C21orf91: variants seen among roughly 807,000 people sequenced by gnomAD.
The protein encoded by C21orf91 is chromosome 21 open reading frame 91, also known as protein EURL homolog.
C21orf91 carries 26 observed loss-of-function variants against 32.9 expected under a neutral mutation model. The observed-to-expected ratio is 0.79, with a 90% CI of 0.58 to 1.10. The LOEUF (loss-of-function observed/expected upper bound fraction) is 1.10. Among genes scored for constraint, C21orf91 ranks in the 50% least tolerant of loss-of-function variants. The probability of loss-of-function intolerance (pLI) is 0.00; values close to 1 mark genes in which losing one functional copy is unlikely to be tolerated. For synonymous variants in C21orf91, 126 were observed against 120.4 expected, an observed-to-expected ratio of 1.05 and a Z score of -0.31; for missense variants, 310 against 341.3, an observed-to-expected ratio of 0.91 and a Z score of 0.72.
chr21:17,794,308 C>A (rs1205028236), intron 4 of C21orf91, among the ~76,000 whole-genome samples: 2 of 152,166 alleles, frequency 1.3e-5, no homozygotes, highest in African/African-American at 4.8e-5. Context: ...GAAAAGGAGA[C>A]AACTGCGGAA....
chr21:17,808,686 G>A (rs1478201807), intron 2 of C21orf91, among the ~76,000 whole-genome samples: 1 of 152,232 alleles, frequency 6.6e-6, no homozygotes, highest in Non-Finnish European at 1.5e-5. Flanking sequence ...CTGTCTCTCA[G>A]ATGAGACTTT....
intron 2 of C21orf91, among the ~76,000 whole-genome samples, chr21:17,810,335 TAA>T (rs1481667053): frequency 6.6e-6 from 1 of 152,246 alleles, no homozygotes; most frequent in Non-Finnish European, 1.5e-5. Context: ...AAATTTTTCT[TAA>T]GTTTTAATTT....
intron 2 of C21orf91, 144 bp downstream of exon 2, chr21:17,818,048 A>C: frequency 1.9e-6 from 1 of 513,928 alleles, no homozygotes; most frequent in Non-Finnish European, 3.3e-6. Flanking sequence ...CATTTCCAGA[A>C]ACCTTATCTT....
chr21:17,810,247 C>T (rs2062623706), intron 2 of C21orf91, among the ~76,000 whole-genome samples: 1 of 152,162 alleles, frequency 6.6e-6, no homozygotes, highest in South Asian at 2.1e-4. Flanking sequence ...AATGTAACAG[C>T]AAAATCACCT....
In C21orf91 at chr21:17,791,406, T is replaced by C. The variant is rs2062473046; in HGVS notation, c.*2009A>G. The C allele has an allele frequency of 6.6e-6, 1 of 152,148 alleles. No individual in the cohort carries two copies. The highest frequency in any genetic ancestry group is 2.4e-5 in the African/African-American group (1 of 41,444). 9.4% of individuals were successfully genotyped at this position (152,148 alleles called of 1,614,324 possible). A position where few individuals can be genotyped will look rare whatever the true frequency, so the allele number is the denominator to read the frequency against. Reference sequence around the variant, plus strand: ...ACTCATTAGCAAAGCTATGTATATTTGTCAGAAAACTCCTTTCTTTGGATA... The same window carrying C: ...ACTCATTAGCAAAGCTATGTATATTCGTCAGAAAACTCCTTTCTTTGGATA... On this transcript the variant is annotated 3_prime_UTR_variant, in exon 5 of 5. Transcript: ENST00000284881.
Position 17,789,527 on chromosome 21 carries a change from ATAAT to A in C21orf91, c.*3884_*3887del, listed in dbSNP as rs1221088419. The A allele has an allele frequency of 6.6e-6, 1 of 152,152 alleles. No homozygotes were observed. The highest frequency in any genetic ancestry group is 1.5e-5 in the Non-Finnish European group (1 of 67,992). 9.4% of individuals were successfully genotyped at this position (152,152 alleles called of 1,614,324 possible). ...ACTTTGGTAAACTTAAAATTGTGAAATAATTAAATATTATTAAAATGTATTAGTA... is the reference window on the plus strand; with the variant it reads ...ACTTTGGTAAACTTAAAATTGTGAAATAAATATTATTAAAATGTATTAGTA... On this transcript the variant is annotated 3_prime_UTR_variant, in exon 5 of 5. Transcript: ENST00000284881.
intron 2 of C21orf91, among the ~76,000 whole-genome samples, chr21:17,813,432 C>G (rs1405359270): frequency 6.6e-6 from 1 of 152,160 alleles, no homozygotes; most frequent in Non-Finnish European, 1.5e-5. Flanking sequence ...TACGACTTAA[C>G]CAAGATTACA....
intron 4 of C21orf91, 141 bp downstream of exon 4, chr21:17,795,067 C>A: frequency 1.2e-5 from 7 of 576,064 alleles, no homozygotes; most frequent in East Asian, 7.0e-5. Flanking sequence ...CTTTCTTATT[C>A]TTTTTGCTCT....
chr21:17,819,344 G>C lies in C21orf91; in HGVS notation c.-49C>G, dbSNP rs948785280. On this transcript the variant is annotated 5_prime_UTR_variant, in exon 1 of 5. Transcript: ENST00000284881. The stretch of plus-strand genomic sequence containing the variant: ...CCACCACCGCCGTTCCGTGCGGCTC[G>C]GGTTCCTCCACTATTGTTTCCGGCC... 5 of 152,478 alleles carry C rather than the reference G, an allele frequency of 3.3e-5. No individual in the cohort carries two copies. The highest frequency in any genetic ancestry group is 7.3e-5 in the Non-Finnish European group (5 of 68,298). The allele number at this position is 152,478 out of a possible 1,614,324, so 9.4% of individuals were successfully genotyped here. A position where few individuals can be genotyped will look rare whatever the true frequency, so the allele number is the denominator to read the frequency against.
intron 2 of C21orf91, among the ~76,000 whole-genome samples, chr21:17,802,657 G>A (rs1369475064): frequency 6.6e-6 from 1 of 152,122 alleles, no homozygotes; most frequent in African/African-American, 2.4e-5. Context: ...TTTACCCCTA[G>A]CCTCTTGAGG....
Position 17,818,211 on chromosome 21 carries a change from A to G in C21orf91, c.108T>C (p.Cys36=). The change falls in exon 2 of 5, where the codon TGT becomes TGC. Residue 36 remains cysteine, a synonymous_variant. Coordinates refer to ENST00000284881, the MANE Select transcript of C21orf91 (RefSeq NM_001100420.2). Reference sequence around the variant, plus strand: ...CCTTACCCTCAATATTTAGCTCAAAACAAATGTGGCAGAAGGAGAGTGTTT... The same window carrying G: ...CCTTACCCTCAATATTTAGCTCAAAGCAAATGTGGCAGAAGGAGAGTGTTT... ...DKETLSFCHI[C]FELNIEGVPK... is the part of the protein sequence containing the mutation. 6.2e-7 allele frequency: 1 copy of G among 1,611,198 alleles called. No homozygotes were observed. Among genetic ancestry groups the G allele is most frequent in the Non-Finnish European group, 8.5e-7 (1 of 1,177,426 alleles).
At position 17,789,253 on chromosome 21, in the gene C21orf91, TCACACACACACACA is replaced by T. The variant is rs3835319; in HGVS notation, c.*4148_*4161del. ...ATACGCTACTGTTTTAAAGCAAGGT[TCACACACACACACA>T]CACACACACACACACACACAAAATG... On this transcript the variant is annotated 3_prime_UTR_variant, in exon 5 of 5. Coordinates refer to ENST00000284881, the MANE Select transcript of C21orf91 (RefSeq NM_001100420.2). 6.7e-6 allele frequency: 1 copy of T among 149,736 alleles called. No individual in the cohort carries two copies. The highest frequency in any genetic ancestry group is 1.5e-5 in the Non-Finnish European group (1 of 67,438). 9.3% of individuals were successfully genotyped at this position (149,736 alleles called of 1,614,324 possible).
intron 2 of C21orf91, among the ~76,000 whole-genome samples, chr21:17,806,719 A>T (rs1043657410): frequency 6.6e-6 from 1 of 152,200 alleles, no homozygotes; most frequent in African/African-American, 2.4e-5. Context: ...AGGTACCTGT[A>T]ATCCCAGCTA....
Position 17,797,115 on chromosome 21 carries a change from A to C in C21orf91, c.131T>G (p.Val44Gly). 6.4e-7 allele frequency: 1 copy of C among 1,555,938 alleles called. No individual in the cohort carries two copies. Among genetic ancestry groups the C allele is most frequent in the Non-Finnish European group, 8.7e-7 (1 of 1,155,236 alleles). Residue 44 changes from valine to glycine, a missense_variant, in exon 3 of 5, where the codon GTA (valine) becomes GGA (glycine). By Grantham distance (109) the Val-to-Gly change is moderately radical. Coordinates refer to ENST00000284881, the MANE Select transcript of C21orf91 (RefSeq NM_001100420.2). ...HICFELNIEG[V>G]PKSDLLHTKS... is the part of the protein sequence containing the mutation. ...GGTGTGCAAGAGATCAGACTTTGGT[A>C]CCCCTATGGAAAAAAAAGAGAAACA... is the stretch of plus-strand genomic sequence containing the variant.
intron 2 of C21orf91, chr21:17,817,961 G>A: frequency 2.9e-6 from 1 of 340,650 alleles, no homozygotes; most frequent in Non-Finnish European, 5.3e-6. Context: ...TTCTGTATTA[G>A]GAAAAATGGG....
At chr21:17,807,931 TAA>T (rs771487752) in intron 2 of C21orf91, among the ~76,000 whole-genome samples, 1 of 152,042 alleles carries the variant, frequency 6.6e-6, no homozygotes, top group African/African-American at 2.4e-5. Flanking sequence ...TAAAAGGGTA[TAA>T]GACTTCAGAA....
chr21:17,796,335 C>G (rs999380221), intron 3 of C21orf91, among the ~76,000 whole-genome samples: 1 of 152,136 alleles, frequency 6.6e-6, no homozygotes, highest in Non-Finnish European at 1.5e-5. Context: ...TTTGTTGATT[C>G]CATTTAGTGT....
At chr21:17,806,230 C>T (rs1229592075) in intron 2 of C21orf91, among the ~76,000 whole-genome samples, 2 of 152,084 alleles carry the variant, frequency 1.3e-5, no homozygotes, top group African/African-American at 2.4e-5. Context: ...TACCATAACA[C>T]GAACCTGCTT....
At chr21:17,818,717 A>C (rs1462183617) in intron 1 of C21orf91, 3 of 160,120 alleles carry the variant, frequency 1.9e-5, no homozygotes, top group Non-Finnish European at 4.1e-5. Context: ...CGCTGTGAGA[A>C]ACAGGAAAAA....
Sources: gnomAD v4.1 joint callset for allele counts (sites outside exome capture counted in the v4.1 genomes callset) on GRCh38, gnomAD v4.1.1 for gene constraint, MANE v1.5 for transcripts, NCBI Gene and HGNC (gene_info 2026-07-23, HGNC 2026-07-21) for gene names.